Variants in ADH5 observed in about 807,000 individuals in gnomAD.
ADH5 encodes the protein alcohol dehydrogenase class-3.
Under a neutral mutation model 40.3 loss-of-function variants are expected in ADH5, and 32 were observed. That is an observed-to-expected ratio of 0.79 (90% CI 0.60 to 1.07). The LOEUF is 1.07. Among genes scored for constraint, ADH5 ranks in the 50% least tolerant of loss-of-function variants. The probability of loss-of-function intolerance (pLI) is 0.00; values close to 1 mark genes in which losing one functional copy is unlikely to be tolerated. For missense variants in ADH5, 353 were observed against 460.5 expected (o/e 0.77, Z 2.14); for synonymous variants, 125 against 154.3 (o/e 0.81, Z 1.41).
chr4:99,072,160 T>C lies in ADH5; in HGVS notation c.*257A>G. ...AAACAAGACAATTTCCACACAAATG[T>C]AGAAATTACTTTTATTATGTTAAAA... On this transcript the variant is annotated 3_prime_UTR_variant, in exon 9 of 9. Coordinates refer to ENST00000296412, the MANE Select transcript of ADH5 (RefSeq NM_000671.4). The C allele has an allele frequency of 2.5e-6, 1 of 400,750 alleles. No individual in the cohort carries two copies. Among genetic ancestry groups the C allele is most frequent in the Non-Finnish European group, 4.5e-6 (1 of 223,670 alleles). The allele number at this position is 400,750 out of a possible 1,614,324, so 24.8% of individuals were successfully genotyped here. A position where few individuals can be genotyped will look rare whatever the true frequency, so the allele number is the denominator to read the frequency against.
At position 99,072,430 on chromosome 4, in the gene ADH5, A is replaced by G. The variant is rs1418718572; in HGVS notation, c.1112T>C (p.Val371Ala). The G allele has an allele frequency of 6.2e-7, 1 of 1,613,234 alleles. No individual in the cohort carries two copies. The highest frequency in any genetic ancestry group is 8.5e-7 in the Non-Finnish European group (1 of 1,179,378). Reference sequence around the variant, plus strand: ...TTCTCTTTTGAATTAAATCTTTACAACAGTTCGAATGCTGTAAAAGGAAGC... The same window carrying G: ...TTCTCTTTTGAATTAAATCTTTACAGCAGTTCGAATGCTGTAAAAGGAAGC... ...LMHSGKSIRT[V>A]VKI The change falls in exon 9 of 9, where the codon GTT becomes GCT. Residue 371 changes from valine (V) to alanine (A), a missense_variant. Transcript: ENST00000296412.
In ADH5 at chr4:99,081,910, A is replaced by C. The variant is rs931040183; in HGVS notation, c.256+65T>G. 11 of 1,565,260 alleles carry C rather than the reference A, an allele frequency of 7.0e-6. No homozygotes were observed. The African/African-American group carries it at 1.4e-4, about 19-fold the overall frequency. ...CATAAATAGTGGGTAGTTTTATCAGAAAAACAATTTCCCCATAGGAATAAG... is the reference window on the plus strand; with the variant it reads ...CATAAATAGTGGGTAGTTTTATCAGCAAAACAATTTCCCCATAGGAATAAG... On this transcript the variant is annotated intron_variant, in intron 3 of 8. Coordinates refer to ENST00000296412, the MANE Select transcript of ADH5 (RefSeq NM_000671.4).
chr4:99,078,782 G>A (rs780106146), intron 4 of ADH5, among the ~76,000 whole-genome samples: 12 of 152,150 alleles, frequency 7.9e-5, no homozygotes, highest in Non-Finnish European at 1.8e-4. Flanking sequence ...GTATTCCAGA[G>A]GAGTTTCTTG....
intron 4 of ADH5, among the ~76,000 whole-genome samples, chr4:99,077,296 G>A (rs4699701): frequency 0.089 from 13,490 of 152,180 alleles, 643 homozygotes; most frequent in Middle Eastern, 0.11. Flanking sequence ...GTTGAGACAG[G>A]AGGACAACTT....
At chr4:99,076,679 C>T (rs1560753485) in intron 5 of ADH5, 25 bp downstream of exon 5, 2 of 1,605,874 alleles carry the variant, frequency 1.2e-6, no homozygotes, top group Admixed American at 1.7e-5. Context: ...AAGGCAGAAG[C>T]AAAAAACCCA....
intron 5 of ADH5, 48 bp from the exon 6 acceptor site, chr4:99,076,600 A>G: frequency 6.3e-7 from 1 of 1,596,504 alleles, no homozygotes; most frequent in Non-Finnish European, 8.5e-7. Flanking sequence ...CAGAGTCAAG[A>G]GAATCACTGG....
chr4:99,073,414 G>A (rs7658279), intron 7 of ADH5, among the ~76,000 whole-genome samples: 14,930 of 152,194 alleles, frequency 0.098, 801 homozygotes, highest in African/African-American at 0.13. Context: ...TCCTGACCTC[G>A]TGATCCACCC....
In ADH5 at chr4:99,088,756, A is replaced by T; in HGVS notation, c.-56T>A. 3 of 1,274,464 alleles carry T rather than the reference A, an allele frequency of 2.4e-6. No individual in the cohort carries two copies. Among genetic ancestry groups the T allele is most frequent in the Non-Finnish European group, 3.1e-6 (3 of 971,250 alleles). 78.9% of individuals were successfully genotyped at this position (1,274,464 alleles called of 1,614,324 possible). ...GACATCCGGGGTGGGCCGCGCAGCG[A>T]CGGAGGCATGGGCGTGGCGAGCGCC... On this transcript the variant is annotated 5_prime_UTR_variant, in exon 1 of 9. Transcript: ENST00000296412.
chr4:99,082,038 A>G lies in ADH5; in HGVS notation c.193T>C (p.Leu65=). The change falls in exon 3 of 9, where the codon TTG becomes CTG. Residue 65 remains leucine, a synonymous_variant. Coordinates refer to ENST00000296412, the MANE Select transcript of ADH5 (RefSeq NM_000671.4). ...ACAATTCCAGCACCTTCATGTCCCA[A>G]GATCACTGGAAAACAACCCTCAGGA... The part of the protein sequence containing the change: ...ADPEGCFPVI[L]GHEGAGIVES... 6.2e-7 allele frequency: 1 copy of G among 1,613,960 alleles called. No homozygotes were observed. The highest frequency in any genetic ancestry group is 8.5e-7 in the Non-Finnish European group (1 of 1,179,846).
At chr4:99,088,658 G>T in intron 1 of ADH5, 31 bp downstream of exon 1, 2 of 1,602,914 alleles carry the variant, frequency 1.2e-6, no homozygotes, top group Non-Finnish European at 1.7e-6. Context: ...CCCTCCCTTG[G>T]ACTCAGGGCC....
At chr4:99,080,504 CTTTT>C (rs28730603) in intron 4 of ADH5, 103,920 of 152,016 alleles carry the variant, frequency 0.68, 35,874 homozygotes, top group East Asian at 1. Flanking sequence ...CCGCTTCTTT[CTTTT>C]ATGGGGTAGA....
chr4:99,076,646 A>C, intron 5 of ADH5, 58 bp downstream of exon 5: 1 of 1,597,620 alleles, frequency 6.3e-7, no homozygotes, highest in Admixed American at 1.7e-5. Context: ...CTATTCCAGG[A>C]AAGTTTCACT....
chr4:99,081,342 G>A (rs1467364105), intron 4 of ADH5, 23 bp downstream of exon 4: 1 of 1,454,144 alleles, frequency 6.9e-7, no homozygotes, highest in Non-Finnish European at 9.5e-7. Flanking sequence ...TGTGTTTTAA[G>A]AAGAACATAA....
chr4:99,081,490 T>C (rs1169754307), intron 3 of ADH5, 38 bp from the exon 4 acceptor site: 8 of 1,394,414 alleles, frequency 5.7e-6, no homozygotes, highest in Non-Finnish European at 8.0e-6. Context: ...ATAGGTAGTA[T>C]CTATTTCTAA....
intron 2 of ADH5, among the ~76,000 whole-genome samples, chr4:99,083,471 A>C (rs972948179): frequency 1.3e-5 from 2 of 151,708 alleles, no homozygotes; most frequent in African/African-American, 4.8e-5. Flanking sequence ...GTGGTGGCGC[A>C]TATCTGTAAT....
rs545068121 is a variant in ADH5, at chr4:99,079,858, G to C, written c.344+1507C>G. The stretch of plus-strand genomic sequence containing the variant: ...ATAAAAATGATTTCGTTTAATCTCA[G>C]AAGCACGTCTTTCCTTACTACATGG... On this transcript the variant is annotated intron_variant, in intron 4 of 8. Transcript: ENST00000296412. 6.3e-4 allele frequency: 235 copies of C among 373,284 alleles called. 5 individuals carry two copies. Among genetic ancestry groups the C allele is most frequent in the South Asian group, 4.7e-3 (233 of 49,424 alleles). 23.1% of individuals were successfully genotyped at this position (373,284 alleles called of 1,614,324 possible).
At position 99,086,377 on chromosome 4, in the gene ADH5, A is replaced by G. The variant is rs139630614; in HGVS notation, c.13-1161T>C. ...ATGAGAAAGGTTCTAATTAGTTTAC[A>G]TTACACTTGAGAAATGTGTGGACAG... On this transcript the variant is annotated intron_variant, in intron 1 of 8. Coordinates refer to ENST00000296412, the MANE Select transcript of ADH5 (RefSeq NM_000671.4). Among the ~76,000 whole-genome samples, 491 of 152,320 alleles carry G rather than the reference A, an allele frequency of 3.2e-3. 1 individual carries two copies. Among genetic ancestry groups the G allele is most frequent in the African/African-American group, 0.01 (426 of 41,574 alleles).
chr4:99,088,787 A>C lies in ADH5; in HGVS notation c.-87T>G, dbSNP rs1441715345. On this transcript the variant is annotated 5_prime_UTR_variant, in exon 1 of 9. Transcript: ENST00000296412. The stretch of plus-strand genomic sequence containing the variant: ...GCATGGGCGTGGCGAGCGCCTAGCG[A>C]GGGGGGCGGGGCGTGGGGGGGGCTT... 6 of 147,164 alleles carry C rather than the reference A, an allele frequency of 4.1e-5. No individual in the cohort carries two copies. The highest frequency in any genetic ancestry group is 2.3e-4 in the African/African-American group (2 of 8,888). 9.1% of individuals were successfully genotyped at this position (147,164 alleles called of 1,614,324 possible). A position where few individuals can be genotyped will look rare whatever the true frequency, so the allele number is the denominator to read the frequency against.
intron 2 of ADH5, among the ~76,000 whole-genome samples, 160 bp from the exon 3 acceptor site, chr4:99,082,276 T>C (rs1560755428): frequency 1.3e-5 from 2 of 152,202 alleles, no homozygotes; most frequent in South Asian, 4.1e-4. Context: ...GTGCTTATAA[T>C]CCATGGCATC....
Sources: gnomAD v4.1 joint callset for allele counts (sites outside exome capture counted in the v4.1 genomes callset) on GRCh38, gnomAD v4.1.1 for gene constraint, MANE v1.5 for transcripts, NCBI Gene and HGNC (gene_info 2026-07-23, HGNC 2026-07-21) for gene names.